The following FHIT variants were observed in gnomAD, a reference collection of about 807,000 sequenced individuals.
FHIT encodes bis(5'-adenosyl)-triphosphatase.
Under a neutral mutation model 17.9 loss-of-function variants are expected in FHIT, and 19 were observed. The ratio of observed to expected loss-of-function variants is 1.06; its 90% CI spans 0.74 to 1.56. FHIT has a LOEUF of 1.56. Among genes scored for constraint, FHIT ranks in the 40% most tolerant of loss-of-function variants. FHIT has a pLI of 0.00. For synonymous variants in FHIT, 81 were observed against 69.7 expected (o/e 1.16, Z -0.81); for missense variants, 248 against 189.2 (o/e 1.31, Z -1.82).
At chr3:60,915,664 G>C (rs1553766945) in intron 3 of FHIT, among the ~76,000 whole-genome samples, 3 of 152,134 alleles carry the variant, frequency 2.0e-5, no homozygotes, top group African/African-American at 7.2e-5. Flanking sequence ...AGAAGTGTCA[G>C]CACAATGATA....
At chr3:61,077,468 AC>A (rs1230685823) in intron 2 of FHIT, among the ~76,000 whole-genome samples, 26 of 151,950 alleles carry the variant, frequency 1.7e-4, no homozygotes, top group Admixed American at 3.9e-4. Flanking sequence ...ATTAAAAAAA[AC>A]AAACAAACAA....
intron 4 of FHIT, among the ~76,000 whole-genome samples, chr3:60,611,726 C>T (rs1339726226): frequency 1.3e-5 from 2 of 152,176 alleles, no homozygotes; most frequent in African/African-American, 2.4e-5. Flanking sequence ...CACTGAACTA[C>T]TGTAACCCAA....
At chr3:60,439,546 G>A (rs2030602883) in intron 5 of FHIT, among the ~76,000 whole-genome samples, 1 of 151,960 alleles carries the variant, frequency 6.6e-6, no homozygotes, top group African/African-American at 2.4e-5. Flanking sequence ...GTGATCAGAT[G>A]GATGACATCC....
At chr3:60,709,536 C>T (rs2041462725) in intron 4 of FHIT, among the ~76,000 whole-genome samples, 1 of 152,188 alleles carries the variant, frequency 6.6e-6, no homozygotes, top group Admixed American at 6.5e-5. Context: ...AATCCATGGT[C>T]TGTGTAGCAT....
intron 4 of FHIT, among the ~76,000 whole-genome samples, chr3:60,753,110 T>A (rs1169256130): frequency 6.6e-6 from 1 of 152,182 alleles, no homozygotes; most frequent in Non-Finnish European, 1.5e-5. Context: ...TTCTTGAATA[T>A]TGCATGAAGG....
intron 4 of FHIT, among the ~76,000 whole-genome samples, chr3:60,763,714 A>C (rs1699746252): frequency 6.6e-6 from 1 of 152,222 alleles, no homozygotes; most frequent in Non-Finnish European, 1.5e-5. Context: ...ACATCAGGAA[A>C]AATGGGGTAT....
At chr3:59,925,088 A>AT (rs1438763075) in intron 7 of FHIT, among the ~76,000 whole-genome samples, 2 of 110,740 alleles carry the variant, frequency 1.8e-5, no homozygotes, top group Non-Finnish European at 3.9e-5. Context: ...CCTCCTTCCT[A>AT]TTTTTTTCCC....
At chr3:60,761,007 C>T (rs917032482) in intron 4 of FHIT, among the ~76,000 whole-genome samples, 1 of 152,070 alleles carries the variant, frequency 6.6e-6, no homozygotes, top group African/African-American at 2.4e-5. Context: ...AATCTGAAGC[C>T]TTACTTTTAA....
At chr3:60,733,690 T>C (rs1716741) in intron 4 of FHIT, among the ~76,000 whole-genome samples, 23,071 of 152,200 alleles carry the variant, frequency 0.15, 2,052 homozygotes, top group Non-Finnish European at 0.19. Context: ...TTTTAGCCTT[T>C]AGTATGTATG....
intron 3 of FHIT, among the ~76,000 whole-genome samples, chr3:61,022,815 C>T (rs1210809277): frequency 6.6e-6 from 1 of 152,114 alleles, no homozygotes; most frequent in Non-Finnish European, 1.5e-5. Flanking sequence ...TAAAAACGCT[C>T]AATAAACTAG....
At chr3:60,229,146 G>C (rs1372745998) in intron 5 of FHIT, among the ~76,000 whole-genome samples, 14 of 152,184 alleles carry the variant, frequency 9.2e-5, no homozygotes, top group African/African-American at 3.4e-4. Context: ...GCCACTTGCA[G>C]TGGCTCATGC....
At chr3:61,085,340 G>T (rs2035271817) in intron 2 of FHIT, among the ~76,000 whole-genome samples, 1 of 151,972 alleles carries the variant, frequency 6.6e-6, no homozygotes, top group Non-Finnish European at 1.5e-5. Flanking sequence ...CCATCCTAGT[G>T]GGTATAAATT....
chr3:61,185,806 A>C (rs1044102962), intron 2 of FHIT, among the ~76,000 whole-genome samples: 1 of 152,160 alleles, frequency 6.6e-6, no homozygotes, highest in Non-Finnish European at 1.5e-5. Flanking sequence ...ATTATACACA[A>C]TTTCTATTTT....
intron 5 of FHIT, among the ~76,000 whole-genome samples, chr3:60,529,478 T>G (rs1349629577): frequency 6.6e-6 from 1 of 152,210 alleles, no homozygotes; most frequent in African/African-American, 2.4e-5. Flanking sequence ...AAATGGAAAT[T>G]AGAATATATT....
At chr3:60,787,048 T>A (rs912589822) in intron 4 of FHIT, among the ~76,000 whole-genome samples, 1 of 150,642 alleles carries the variant, frequency 6.6e-6, no homozygotes, top group African/African-American at 2.4e-5. Context: ...AGAAAGGGTG[T>A]CTCCATCCTT....
intron 5 of FHIT, among the ~76,000 whole-genome samples, chr3:60,481,521 C>T (rs910512487): frequency 1.3e-5 from 2 of 152,214 alleles, no homozygotes; most frequent in African/African-American, 4.8e-5. Flanking sequence ...GGCCAATATT[C>T]AGCATTCTTA....
chr3:60,510,993 G>A (rs577403537), intron 5 of FHIT, among the ~76,000 whole-genome samples: 1 of 152,124 alleles, frequency 6.6e-6, no homozygotes, highest in South Asian at 2.1e-4. Flanking sequence ...GTGTTCTGAT[G>A]ATGGGGGAAA....
At chr3:59,997,428 A>G (rs1699558960) in intron 7 of FHIT, among the ~76,000 whole-genome samples, 1 of 152,192 alleles carries the variant, frequency 6.6e-6, no homozygotes, top group Admixed American at 6.6e-5. Flanking sequence ...ATGAAAAAGC[A>G]AACTATTATA....
intron 2 of FHIT, among the ~76,000 whole-genome samples, chr3:61,177,614 C>T (rs930366470): frequency 6.6e-6 from 1 of 152,144 alleles, no homozygotes; most frequent in African/African-American, 2.4e-5. Flanking sequence ...ATGAATGGGA[C>T]ATCTGGGTTC....
Sources: gnomAD v4.1 joint callset for allele counts (sites outside exome capture counted in the v4.1 genomes callset) on GRCh38, gnomAD v4.1.1 for gene constraint, MANE v1.5 for transcripts, NCBI Gene and HGNC (gene_info 2026-07-23, HGNC 2026-07-21) for gene names.